Variants in RAPGEF4 observed in about 807,000 individuals in gnomAD.
The protein encoded by RAPGEF4 is Rap guanine nucleotide exchange factor 4.
In RAPGEF4, 66 loss-of-function variants were observed where a neutral mutation model predicts 147.9. The ratio of observed to expected loss-of-function variants is 0.45; its 90% CI spans 0.37 to 0.55. The LOEUF (loss-of-function observed/expected upper bound fraction) is 0.55, where lower values mean the gene tolerates loss of function less well. Among genes scored for constraint, RAPGEF4 ranks in the 20% least tolerant of loss-of-function variants. The pLI is 0.00. For synonymous variants in RAPGEF4, 419 were observed against 442.7 expected (o/e 0.95, Z 0.67); for missense variants, 1,071 against 1,257.3 (o/e 0.85, Z 2.24).
chr2:172,807,193 A>C (rs1232694009), intron 3 of RAPGEF4, among the ~76,000 whole-genome samples: 1 of 152,226 alleles, frequency 6.6e-6, no homozygotes, highest in African/African-American at 2.4e-5. Context: ...TGCATCCTGC[A>C]TTTAGTTTTT....
chr2:173,011,170 G>GCGCGCGCGCGCACA (rs564434178), intron 17 of RAPGEF4, among the ~76,000 whole-genome samples: 14 of 133,568 alleles, frequency 1.0e-4, no homozygotes, highest in African/African-American at 3.2e-4. Flanking sequence ...GCGCGCGCGC[G>GCGCGCGCGCGCACA]CACACACACA....
rs556777041 is a variant in RAPGEF4, at chr2:172,953,945, C to T, written c.538-6815C>T. Among the ~76,000 whole-genome samples, 21 of 152,238 alleles carry T rather than the reference C, an allele frequency of 1.4e-4. No homozygotes were observed. The South Asian group carries it at 4.4e-3, about 32-fold the overall frequency. On this transcript the variant is annotated intron_variant, in intron 6 of 30. Coordinates refer to ENST00000397081, the MANE Select transcript of RAPGEF4 (RefSeq NM_007023.4). ...AGTGGCTACAGTCAGAGAACCTTAC[C>T]CCATGAGATAAGACACTCCTAAAGT...
rs1380210048 is a variant in RAPGEF4 at position 173,001,293 on chromosome 2, T to C, written c.1607T>C (p.Met536Thr). ...TCTGTTTTAAATGACTTTATTATGA[T>C]GCACTGTGTTTTTATGCCAAATACC... ...TDSVLNDFIM[M>T]HCVFMPNTQL... The change falls in exon 17 of 31, where the codon ATG (methionine) becomes ACG (threonine). Residue 536 changes from methionine to threonine, a missense_variant. Coordinates refer to ENST00000397081, the MANE Select transcript of RAPGEF4 (RefSeq NM_007023.4). The C allele has an allele frequency of 6.2e-7, 1 of 1,614,110 alleles. No individual in the cohort carries two copies. Among genetic ancestry groups the C allele is most frequent in the East Asian group, 2.2e-5 (1 of 44,882 alleles).
Position 173,030,261 on chromosome 2 carries a change from T to G in RAPGEF4, c.2649+7T>G. On this transcript the variant is annotated splice_region_variant and intron_variant, in intron 26 of 30. Coordinates refer to ENST00000397081, the MANE Select transcript of RAPGEF4 (RefSeq NM_007023.4). Reference sequence around the variant, plus strand: ...CTTGGCACTAACGTGGGAGGTAAGCTTCAGCTAGGATCCAGCTGTGACTTT... The same window carrying G: ...CTTGGCACTAACGTGGGAGGTAAGCGTCAGCTAGGATCCAGCTGTGACTTT... 1 of 1,602,052 alleles carries G rather than the reference T, an allele frequency of 6.2e-7. No individual in the cohort carries two copies. Among genetic ancestry groups the G allele is most frequent in the South Asian group, 1.1e-5 (1 of 90,784 alleles).
intron 11 of RAPGEF4, 42 bp from the exon 12 acceptor site, chr2:172,985,391 T>G (rs774109998): frequency 6.2e-7 from 1 of 1,613,756 alleles, no homozygotes; most frequent in South Asian, 1.1e-5. Flanking sequence ...CACCCAGACC[T>G]GGAAATGTGG....
intron 17 of RAPGEF4, among the ~76,000 whole-genome samples, chr2:173,013,894 T>C (rs1277632641): frequency 6.6e-6 from 1 of 152,132 alleles, no homozygotes; most frequent in Non-Finnish European, 1.5e-5. Flanking sequence ...AGAGAATTGG[T>C]ACAGCAGGAG....
rs1281270601 is a variant in RAPGEF4, at chr2:172,795,054, A to T, written c.95A>T (p.Asp32Val). ...CTGGAGCGATCCAGCGAAGATGTGGATATAATCTTCACTCGACTGAAAGAA... is the reference window on the plus strand; with the variant it reads ...CTGGAGCGATCCAGCGAAGATGTGGTTATAATCTTCACTCGACTGAAAGAA... ...RPLERSSEDVDIIFTRLKEVK... is the reference protein window; with the variant it reads ...RPLERSSEDVVIIFTRLKEVK... The change falls in exon 2 of 31, where the codon GAT (aspartate) becomes GTT (valine). Residue 32 changes from aspartate (D) to valine (V), a missense_variant. Transcript: ENST00000397081. The T allele has an allele frequency of 1.2e-6, 2 of 1,614,022 alleles. No individual in the cohort carries two copies. The highest frequency in any genetic ancestry group is 2.2e-5 in the South Asian group (2 of 91,070).
chr2:173,047,855 T>G (rs1212766819), intron 29 of RAPGEF4, among the ~76,000 whole-genome samples: 2 of 152,080 alleles, frequency 1.3e-5, no homozygotes, highest in African/African-American at 4.8e-5. Context: ...TTTTTGTATT[T>G]TTAGTAGAGA....
intron 4 of RAPGEF4, among the ~76,000 whole-genome samples, chr2:172,868,107 C>A (rs541796583): frequency 6.6e-6 from 1 of 152,310 alleles, no homozygotes; most frequent in African/African-American, 2.4e-5. Context: ...GGACTCTTAT[C>A]ATCCAGGCAT....
chr2:172,973,113 T>C (rs1037896900), intron 10 of RAPGEF4, among the ~76,000 whole-genome samples: 2 of 150,640 alleles, frequency 1.3e-5, no homozygotes, highest in African/African-American at 4.9e-5. Flanking sequence ...TTTTCTTTTT[T>C]TTTTTTTTTC....
chr2:172,800,878 T>C (rs1429852019), intron 3 of RAPGEF4, among the ~76,000 whole-genome samples: 1 of 152,136 alleles, frequency 6.6e-6, no homozygotes, highest in Non-Finnish European at 1.5e-5. Context: ...GCCATTATAG[T>C]CTAGCCAAGT....
intron 5 of RAPGEF4, among the ~76,000 whole-genome samples, chr2:172,920,992 G>C (rs1031621077): frequency 6.6e-6 from 1 of 152,082 alleles, no homozygotes; most frequent in Non-Finnish European, 1.5e-5. Flanking sequence ...TGTGGTCCCA[G>C]GTGTGGATCA....
chr2:172,860,063 G>A (rs1693854105), intron 4 of RAPGEF4: 1 of 985,364 alleles, frequency 1.0e-6, no homozygotes, highest in South Asian at 4.7e-5. Flanking sequence ...TGATAAAGCC[G>A]GGGCTACGGC....
chr2:172,755,068 A>G (rs1451152661), intron 1 of RAPGEF4, among the ~76,000 whole-genome samples: 1 of 152,018 alleles, frequency 6.6e-6, no homozygotes, highest in Non-Finnish European at 1.5e-5. Flanking sequence ...TTATCTCTGG[A>G]CATCACCATA....
At chr2:172,788,036 C>A (rs1340550139) in intron 1 of RAPGEF4, among the ~76,000 whole-genome samples, 1 of 152,132 alleles carries the variant, frequency 6.6e-6, no homozygotes. Flanking sequence ...GTGAGGGCTG[C>A]TCTCTAACTC....
At chr2:173,048,285 G>C in intron 29 of RAPGEF4, 2 of 271,836 alleles carry the variant, frequency 7.4e-6, no homozygotes, top group Non-Finnish European at 1.3e-5. Context: ...GCAACCTCAA[G>C]AAAGGATGGT....
chr2:172,828,941 C>T (rs924190410), intron 4 of RAPGEF4, among the ~76,000 whole-genome samples: 11 of 152,164 alleles, frequency 7.2e-5, no homozygotes, highest in South Asian at 2.1e-4. Flanking sequence ...GATGACGATC[C>T]AGATGATCAA....
At chr2:172,852,713 T>C (rs529476945) in intron 4 of RAPGEF4, among the ~76,000 whole-genome samples, 1 of 152,262 alleles carries the variant, frequency 6.6e-6, no homozygotes, top group East Asian at 1.9e-4. Flanking sequence ...TTCCTTGTCA[T>C]TGATCTTAGG....
chr2:172,798,425 G>A lies in RAPGEF4; in HGVS notation c.297+812G>A, dbSNP rs951065251. On this transcript the variant is annotated intron_variant, in intron 3 of 30. Coordinates refer to ENST00000397081, the MANE Select transcript of RAPGEF4 (RefSeq NM_007023.4). Reference sequence around the variant, plus strand: ...CTCACTGTTTAGAGCCAAGAATCTCGAGTCTGAAAAGTATGACCCATAAAA... The same window carrying A: ...CTCACTGTTTAGAGCCAAGAATCTCAAGTCTGAAAAGTATGACCCATAAAA... 6.6e-5 allele frequency among the ~76,000 whole-genome samples: 10 copies of A among 152,014 alleles called. No homozygotes were observed. The East Asian group carries it at 9.6e-4, about 15-fold the overall frequency.
Sources: allele counts gnomAD v4.1 joint callset (sites outside exome capture counted in the v4.1 genomes callset), GRCh38; gene constraint gnomAD v4.1.1; transcripts MANE v1.5; gene names NCBI Gene and HGNC (gene_info 2026-07-23, HGNC 2026-07-21).